FGGY: variants seen among roughly 807,000 people sequenced by gnomAD.
FGGY encodes the protein FGGY carbohydrate kinase domain-containing protein.
FGGY carries 72 observed loss-of-function variants against 71.3 expected under a neutral mutation model. The observed-to-expected ratio is 1.01, with a 90% CI of 0.84 to 1.23. The LOEUF is 1.23. Ranked by LOEUF, FGGY falls within the 50% of genes most tolerant of loss-of-function variation. The pLI is 0.00. For synonymous variants in FGGY, 251 were observed against 250.3 expected, an observed-to-expected ratio of 1.00 and a Z score of -0.02; for missense variants, 668 against 682.3, an observed-to-expected ratio of 0.98 and a Z score of 0.23.
At chr1:59,463,942 A>G (rs1369501327) in intron 6 of FGGY, among the ~76,000 whole-genome samples, 1 of 152,218 alleles carries the variant, frequency 6.6e-6, no homozygotes. Flanking sequence ...CACTGTCAAT[A>G]TTCCACAGAT....
At chr1:59,735,611 T>C (rs2098094501) in intron 14 of FGGY, among the ~76,000 whole-genome samples, 1 of 152,174 alleles carries the variant, frequency 6.6e-6, no homozygotes, top group Admixed American at 6.5e-5. Flanking sequence ...ACAAGGCAGC[T>C]ATGACTCCTG....
rs537424818 is a variant in FGGY at position 59,399,666 on chromosome 1, C to T, written c.554+20829C>T. On this transcript the variant is annotated intron_variant, in intron 5 of 15. Coordinates refer to ENST00000303721, the MANE Select transcript of FGGY (RefSeq NM_018291.5). ...TTGACATGATATACAATGATATTAT[C>T]CTCTCCAATTAGAGCTTTCCATATA... Among the ~76,000 whole-genome samples, 6 of 152,266 alleles carry T rather than the reference C, an allele frequency of 3.9e-5. No homozygotes were observed. The South Asian group carries it at 1.2e-3, about 32-fold the overall frequency.
rs114304474 is a variant in FGGY, at chr1:59,349,042, C to T, written c.465+2644C>T. Among the ~76,000 whole-genome samples the T allele has an allele frequency of 8.4e-3, 1,286 of 152,204 alleles. 15 individuals are homozygous for T. The highest frequency in any genetic ancestry group is 0.029 in the African/African-American group (1,197 of 41,534). ...GAATATAGAACTGTTCTGCGCTGCC[C>T]GGTACCCTGCTTTGAGTTGTATAAG... is the stretch of plus-strand genomic sequence containing the variant. On this transcript the variant is annotated intron_variant, in intron 4 of 15. Transcript: ENST00000303721.
intron 5 of FGGY, among the ~76,000 whole-genome samples, chr1:59,439,497 A>G (rs1408660063): frequency 6.6e-6 from 1 of 152,188 alleles, no homozygotes; most frequent in African/African-American, 2.4e-5. Context: ...TCTTAATGCC[A>G]GACAGTTCCC....
intron 6 of FGGY, among the ~76,000 whole-genome samples, chr1:59,505,617 C>T (rs1476159073): frequency 1.3e-5 from 2 of 152,186 alleles, no homozygotes; most frequent in East Asian, 1.9e-4. Context: ...CAACTCTCCT[C>T]CTGGGTTTCA....
At chr1:59,593,730 A>C (rs533137523) in intron 8 of FGGY, among the ~76,000 whole-genome samples, 1 of 152,308 alleles carries the variant, frequency 6.6e-6, no homozygotes, top group Non-Finnish European at 1.5e-5. Flanking sequence ...TTCTTGCATT[A>C]ACTGTTAGAT....
intron 8 of FGGY, among the ~76,000 whole-genome samples, chr1:59,594,112 C>G (rs1395266832): frequency 5.3e-5 from 8 of 152,142 alleles, no homozygotes; most frequent in Non-Finnish European, 5.9e-5. Context: ...AATTGAGAAC[C>G]CAGCAACCCT....
intron 8 of FGGY, among the ~76,000 whole-genome samples, chr1:59,588,619 A>T (rs1329013721): frequency 6.6e-6 from 1 of 152,180 alleles, no homozygotes; most frequent in East Asian, 1.9e-4. Context: ...GCCAGAAGAG[A>T]GTGGGGGCCA....
At chr1:59,730,294 T>C (rs907293378) in intron 14 of FGGY, among the ~76,000 whole-genome samples, 1 of 146,130 alleles carries the variant, frequency 6.8e-6, no homozygotes, top group African/African-American at 2.6e-5. Context: ...ATCACTGATT[T>C]GCAGTTTCTT....
At chr1:59,315,533 T>G (rs1273974612) in intron 1 of FGGY, 1 of 152,088 alleles carries the variant, frequency 6.6e-6, no homozygotes, top group African/African-American at 2.4e-5. Flanking sequence ...AGCCAGGTCC[T>G]TTGTTAGGCA....
chr1:59,702,090 G>C (rs904442788), intron 14 of FGGY, among the ~76,000 whole-genome samples: 6 of 152,126 alleles, frequency 3.9e-5, no homozygotes, highest in African/African-American at 1.4e-4. Context: ...AGAGAGAGCA[G>C]GGGAAACTGC....
chr1:59,412,148 C>G (rs2153427778), intron 5 of FGGY, among the ~76,000 whole-genome samples: 1 of 152,290 alleles, frequency 6.6e-6, no homozygotes, highest in Middle Eastern at 3.4e-3. Flanking sequence ...TGCATAGACT[C>G]TGAAAAACTT....
At chr1:59,613,830 C>G (rs1008976585) in intron 9 of FGGY, among the ~76,000 whole-genome samples, 7 of 152,146 alleles carry the variant, frequency 4.6e-5, no homozygotes, top group Admixed American at 2.0e-4. Context: ...CCACCGATCC[C>G]ATAGAAATAC....
chr1:59,528,131 A>G (rs1360962585), intron 7 of FGGY, among the ~76,000 whole-genome samples: 2 of 152,242 alleles, frequency 1.3e-5, no homozygotes, highest in Non-Finnish European at 2.9e-5. Flanking sequence ...ATTAGACTCA[A>G]CGTTGTTTAC....
At chr1:59,495,868 C>A (rs2094013919) in intron 6 of FGGY, among the ~76,000 whole-genome samples, 1 of 152,132 alleles carries the variant, frequency 6.6e-6, no homozygotes, top group Non-Finnish European at 1.5e-5. Context: ...TAGTGTCATA[C>A]TGTTTTAGTT....
At chr1:59,362,385 CA>C (rs1301485662) in intron 4 of FGGY, among the ~76,000 whole-genome samples, 7 of 152,164 alleles carry the variant, frequency 4.6e-5, no homozygotes, top group Non-Finnish European at 1.0e-4. Context: ...GCTGTCCTAA[CA>C]TTCCTAAAAC....
At chr1:59,456,828 A>G (rs2091747184) in intron 5 of FGGY, 133 bp from the exon 6 acceptor site, 3 of 595,228 alleles carry the variant, frequency 5.0e-6, no homozygotes, top group Non-Finnish European at 9.1e-6. Context: ...CTAAGCAGGG[A>G]TGTGTCATTA....
At chr1:59,404,525 G>A (rs1470792272) in intron 5 of FGGY, among the ~76,000 whole-genome samples, 2 of 152,108 alleles carry the variant, frequency 1.3e-5, no homozygotes, top group Non-Finnish European at 2.9e-5. Context: ...AGCAGATAGA[G>A]CACAGGTAGT....
intron 8 of FGGY, among the ~76,000 whole-genome samples, chr1:59,580,082 T>A (rs2096162033): frequency 6.6e-6 from 1 of 152,184 alleles, no homozygotes; most frequent in African/African-American, 2.4e-5. Flanking sequence ...TCTGCTGTAA[T>A]GTAACCTCAT....
Sources: allele counts gnomAD v4.1 joint callset (sites outside exome capture counted in the v4.1 genomes callset), GRCh38; gene constraint gnomAD v4.1.1; transcripts MANE v1.5; gene names NCBI Gene and HGNC (gene_info 2026-07-23, HGNC 2026-07-21).